Variants in PCDHGA3 observed in about 807,000 individuals in gnomAD.
The protein encoded by PCDHGA3 is protocadherin gamma-A3.
A neutral mutation model predicts 58.5 loss-of-function variants in PCDHGA3; 40 were observed. The observed-to-expected ratio is 0.68, with a 90% CI of 0.53 to 0.89. The LOEUF is 0.89. PCDHGA3 is among the 40% of genes least tolerant of loss of function. The probability of loss-of-function intolerance (pLI) is 0.00; values close to 1 mark genes in which losing one functional copy is unlikely to be tolerated. For synonymous variants in PCDHGA3, 530 were observed against 525.7 expected (o/e 1.01, Z -0.11); for missense variants, 1,223 against 1,195.9 (o/e 1.02, Z -0.33).
At chr5:141,372,987 AGT>A in intron 1 of PCDHGA3, 1 of 640,932 alleles carries the variant, frequency 1.6e-6, no homozygotes, top group Non-Finnish European at 2.6e-6. Flanking sequence ...TCTGTGTTGC[AGT>A]TGTTCTTTCA....
intron 2 of PCDHGA3, among the ~76,000 whole-genome samples, chr5:141,499,686 T>G (rs1400567357): frequency 1.3e-5 from 2 of 149,346 alleles, no homozygotes; most frequent in Non-Finnish European, 3.0e-5. Flanking sequence ...CTTTAACAGA[T>G]GACTTTTTTT....
At chr5:141,380,946 C>T (rs555019785) in intron 1 of PCDHGA3, among the ~76,000 whole-genome samples, 2 of 152,210 alleles carry the variant, frequency 1.3e-5, no homozygotes, top group African/African-American at 2.4e-5. Flanking sequence ...CTTGCCTCAA[C>T]AAGAAGTTCA....
chr5:141,476,318 G>T lies in PCDHGA3; in HGVS notation c.2425-18489G>T. 3 of 1,614,202 alleles carry T rather than the reference G, an allele frequency of 1.9e-6. No homozygotes were observed. The highest frequency in any genetic ancestry group is 2.5e-6 in the Non-Finnish European group (3 of 1,180,052). The stretch of plus-strand genomic sequence containing the variant: ...TAGCCTCTCAGCCCGCAGGTTCCGG[G>T]TGGTGTCTGGAGCTAGCCGAAGATT... On this transcript the variant is annotated intron_variant, in intron 1 of 3. Transcript: ENST00000253812. This position sits in a 1 kb window ranked among gnomAD's most constrained non-coding sequence, Gnocchi z 7.6.
At chr5:141,409,988 GC>G in intron 1 of PCDHGA3, 1 of 1,613,278 alleles carries the variant, frequency 6.2e-7, no homozygotes, top group Non-Finnish European at 8.5e-7. Flanking sequence ...AGCGGTGGAC[GC>G]CGACTCGGGA....
intron 1 of PCDHGA3, chr5:141,383,457 C>T (rs1270613288): frequency 2.5e-6 from 4 of 1,613,734 alleles, no homozygotes; most frequent in Non-Finnish European, 3.4e-6. Flanking sequence ...AAAGTGGAGA[C>T]GATGAAACTA....
chr5:141,430,809 G>A (rs949727881), intron 1 of PCDHGA3: 5 of 1,527,014 alleles, frequency 3.3e-6, no homozygotes, highest in Non-Finnish European at 4.4e-6. Context: ...GTCCTGCTGG[G>A]AATCCTCCTG....
chr5:141,384,286 G>C lies in PCDHGA3; in HGVS notation c.2424+37829G>C, dbSNP rs760333073. ...CTCATCCTACTCAGTCTACATCGCT[G>C]AGAACAACCCCAGAGGGGCCTCCAT... On this transcript the variant is annotated intron_variant, in intron 1 of 3. Coordinates refer to ENST00000253812, the MANE Select transcript of PCDHGA3 (RefSeq NM_018916.4). 3 of 1,613,716 alleles carry C rather than the reference G, an allele frequency of 1.9e-6. No homozygotes were observed. In the East Asian group the frequency reaches 6.7e-5, roughly 36 times the overall value.
intron 1 of PCDHGA3, among the ~76,000 whole-genome samples, chr5:141,439,459 A>C (rs558086952): frequency 6.6e-6 from 1 of 152,222 alleles, no homozygotes. Flanking sequence ...GCAAGACTGC[A>C]CTGCTGCCTT....
Position 141,485,193 on chromosome 5 carries a change from G to C in PCDHGA3, c.2425-9614G>C. 1 of 1,613,988 alleles carries C rather than the reference G, an allele frequency of 6.2e-7. No individual in the cohort carries two copies. Among genetic ancestry groups the C allele is most frequent in the Non-Finnish European group, 8.5e-7 (1 of 1,179,852 alleles). On this transcript the variant is annotated intron_variant, in intron 1 of 3. Transcript: ENST00000253812. This position sits in a 1 kb window ranked among gnomAD's most constrained non-coding sequence, Gnocchi z 5.7. ...GCAGCAATGCTCCGCAAGGTGAGAA[G>C]CTGGACAGAAATCTGGCGGTGGGCT...
At position 141,345,352 on chromosome 5, in the gene PCDHGA3, T is replaced by A. The variant is rs759545017; in HGVS notation, c.1319T>A (p.Leu440Gln). The stretch of plus-strand genomic sequence containing the variant: ...CTGTCCACAGAAACTCACATCACCC[T>A]GCATGTGATTGACATCAATGACAAC... ...PPLSTETHIT[L>Q]HVIDINDNPP... is the part of the protein sequence containing the mutation. Residue 440 changes from leucine to glutamine, a missense_variant, in exon 1 of 4, where the codon CTG becomes CAG. Coordinates refer to ENST00000253812, the MANE Select transcript of PCDHGA3 (RefSeq NM_018916.4). 108 of 1,613,876 alleles carry A rather than the reference T, an allele frequency of 6.7e-5. No individual in the cohort carries two copies. Among genetic ancestry groups the A allele is most frequent in the Middle Eastern group, 3.3e-4 (2 of 6,084 alleles).
At chr5:141,360,732 T>G in intron 1 of PCDHGA3, 1 of 1,613,960 alleles carries the variant, frequency 6.2e-7, no homozygotes, top group Non-Finnish European at 8.5e-7. Flanking sequence ...TAAAACACTC[T>G]CTGGACAGAG....
At position 141,432,459 on chromosome 5, in the gene PCDHGA3, T is replaced by A. The variant is rs1230209932; in HGVS notation, c.2425-62348T>A. The A allele has an allele frequency of 1.2e-6, 2 of 1,613,984 alleles. No homozygotes were observed. Among genetic ancestry groups the A allele is most frequent in the South Asian group, 1.1e-5 (1 of 91,082 alleles). ...GCGCCCGAGATCCTGTACCCCGCCCTCCCCACGGACGGTTCCACTGGCGTG... is the reference window on the plus strand; with the variant it reads ...GCGCCCGAGATCCTGTACCCCGCCCACCCCACGGACGGTTCCACTGGCGTG... On this transcript the variant is annotated intron_variant, in intron 1 of 3. Transcript: ENST00000253812. The surrounding 1 kb of genome is among the most constrained non-coding windows in gnomAD (Gnocchi z 6.0).
chr5:141,411,174 A>T (rs574627520), intron 1 of PCDHGA3: 4 of 152,400 alleles, frequency 2.6e-5, no homozygotes, highest in African/African-American at 7.2e-5. Flanking sequence ...GAACAGAAGC[A>T]GTGGTCTTGG....
At position 141,476,112 on chromosome 5, in the gene PCDHGA3, G is replaced by A. The variant is rs1201449171; in HGVS notation, c.2425-18695G>A. 2.5e-6 allele frequency: 4 copies of A among 1,590,646 alleles called. No homozygotes were observed. Among genetic ancestry groups the A allele is most frequent in the Non-Finnish European group, 2.6e-6 (3 of 1,170,830 alleles). ...CCCCGCTGAGAGGAACTGCTTTTGA[G>A]TGAGATGGTCCCAGAGGCCTGGAGG... On this transcript the variant is annotated intron_variant, in intron 1 of 3. Transcript: ENST00000253812. The surrounding 1 kb of genome is among the most constrained non-coding windows in gnomAD (Gnocchi z 7.6).
chr5:141,432,974 C>T lies in PCDHGA3; in HGVS notation c.2425-61833C>T. ...CGGCTTGACAGGAGCGCCGGCGTCG[C>T]ACTTTGTGGGCGTGGACGGGGTGCA... On this transcript the variant is annotated intron_variant, in intron 1 of 3. Coordinates refer to ENST00000253812, the MANE Select transcript of PCDHGA3 (RefSeq NM_018916.4). This position sits in a 1 kb window ranked among gnomAD's most constrained non-coding sequence, Gnocchi z 6.0. 6.2e-7 allele frequency: 1 copy of T among 1,614,204 alleles called. No individual in the cohort carries two copies. Among genetic ancestry groups the T allele is most frequent in the Non-Finnish European group, 8.5e-7 (1 of 1,180,030 alleles).
intron 1 of PCDHGA3, chr5:141,408,349 C>T: frequency 6.2e-7 from 1 of 1,613,924 alleles, no homozygotes; most frequent in Non-Finnish European, 8.5e-7. Context: ...TGGTGGGGAA[C>T]CTCGCTAAGG....
At chr5:141,429,169 T>TACACACACACACACACACAAAC (rs2097191391) in intron 1 of PCDHGA3, 1 of 145,394 alleles carries the variant, frequency 6.9e-6, no homozygotes, top group East Asian at 2.0e-4. Flanking sequence ...ACATTGTTTA[T>TACACACACACACACACACAAAC]ACACACACAC....
chr5:141,420,004 G>C (rs768411058), intron 1 of PCDHGA3: 4 of 1,614,084 alleles, frequency 2.5e-6, no homozygotes, highest in Non-Finnish European at 3.4e-6. Flanking sequence ...CTCTACGCCT[G>C]CGACAGTCTT....
intron 1 of PCDHGA3, among the ~76,000 whole-genome samples, chr5:141,453,258 T>A (rs1336801456): frequency 1.6e-4 from 25 of 152,096 alleles, no homozygotes; most frequent in Admixed American, 1.6e-3. Flanking sequence ...GGGCTGCAAG[T>A]GCACACCACC....
Sources: allele counts gnomAD v4.1 joint callset (sites outside exome capture counted in the v4.1 genomes callset), GRCh38; gene constraint gnomAD v4.1.1; non-coding constraint Gnocchi (gnomAD v3.1); transcripts MANE v1.5; gene names NCBI Gene and HGNC (gene_info 2026-07-23, HGNC 2026-07-21).